Variants in HTR1E observed in about 807,000 individuals in gnomAD.
HTR1E encodes the protein 5-HT-1E.
HTR1E carries 3 observed loss-of-function variants against 3.4 expected under a neutral mutation model. The observed-to-expected ratio is 0.89, with a 90% CI of 0.41 to 2.31. HTR1E has a LOEUF of 2.31. HTR1E is among the 30% of genes most tolerant of loss of function. The pLI is 0.05. For missense variants in HTR1E, 392 were observed against 467.0 expected (o/e 0.84, Z 1.48); for synonymous variants, 170 against 182.8 (o/e 0.93, Z 0.56).
chr6:86,999,116 C>T (rs963701132), intron 1 of HTR1E, among the ~76,000 whole-genome samples: 1 of 152,048 alleles, frequency 6.6e-6, no homozygotes, highest in African/African-American at 2.4e-5. Context: ...CAGGCAACAA[C>T]GCCAGGCTAA....
intron 1 of HTR1E, among the ~76,000 whole-genome samples, chr6:86,957,369 A>G (rs115474210): frequency 6.6e-6 from 1 of 152,262 alleles, no homozygotes; most frequent in Non-Finnish European, 1.5e-5. Context: ...GCAATAAAAT[A>G]AGACATCTAT....
intron 1 of HTR1E, among the ~76,000 whole-genome samples, chr6:87,014,624 C>T (rs1176563811): frequency 1.3e-5 from 2 of 152,040 alleles, no homozygotes; most frequent in South Asian, 2.1e-4. Context: ...TACTATGCAG[C>T]CATAAAAAAG....
At chr6:86,945,714 G>T (rs553621979) in intron 1 of HTR1E, among the ~76,000 whole-genome samples, 2 of 151,976 alleles carry the variant, frequency 1.3e-5, no homozygotes, top group East Asian at 3.9e-4. Flanking sequence ...AAGTTTGGGG[G>T]TTTTTTGTTT....
intron 1 of HTR1E, among the ~76,000 whole-genome samples, chr6:87,011,919 G>A (rs762315256): frequency 9.2e-5 from 14 of 152,262 alleles, no homozygotes; most frequent in Middle Eastern, 3.4e-3. Flanking sequence ...TACCTTTCCC[G>A]CGCAAAATGG....
At chr6:87,014,949 A>G (rs1768295126) in intron 1 of HTR1E, among the ~76,000 whole-genome samples, 1 of 152,214 alleles carries the variant, frequency 6.6e-6, no homozygotes, top group Admixed American at 6.5e-5. Flanking sequence ...AACTTAAAGT[A>G]TAATTTAAAA....
At chr6:87,012,307 T>C (rs1237301636) in intron 1 of HTR1E, among the ~76,000 whole-genome samples, 1 of 152,120 alleles carries the variant, frequency 6.6e-6, no homozygotes, top group African/African-American at 2.4e-5. Context: ...AGCAATTAGG[T>C]TGACACATGT....
chr6:86,943,614 C>G lies in HTR1E; in HGVS notation c.-186+5791C>G, dbSNP rs548049399. ...TCAAACTGCACCTTGTGTTATACTA[C>G]TAGGGGGTAACACAGCATGGGGCTC... On this transcript the variant is annotated intron_variant, in intron 1 of 1. Transcript: ENST00000305344. Among the ~76,000 whole-genome samples, 177 of 152,166 alleles carry G rather than the reference C, an allele frequency of 1.2e-3. 1 individual carries two copies. Among genetic ancestry groups the G allele is most frequent in the Non-Finnish European group, 2.1e-3 (145 of 68,034 alleles).
At chr6:86,969,921 G>A (rs1431882559) in intron 1 of HTR1E, among the ~76,000 whole-genome samples, 13 of 152,192 alleles carry the variant, frequency 8.5e-5, no homozygotes, top group Non-Finnish European at 1.6e-4. Context: ...TTACAACAAC[G>A]GGGGTCTACA....
chr6:86,945,986 G>T (rs752515361), intron 1 of HTR1E, among the ~76,000 whole-genome samples: 2 of 152,146 alleles, frequency 1.3e-5, no homozygotes, highest in Non-Finnish European at 2.9e-5. Flanking sequence ...TGGTTTACCT[G>T]CCTCGGCCTC....
chr6:86,983,876 T>C (rs1431059509), intron 1 of HTR1E, among the ~76,000 whole-genome samples: 1 of 152,104 alleles, frequency 6.6e-6, no homozygotes, highest in Non-Finnish European at 1.5e-5. Context: ...AAATAACCAA[T>C]ATATAAAACT....
chr6:86,978,306 C>G (rs905832847), intron 1 of HTR1E, among the ~76,000 whole-genome samples: 3 of 152,150 alleles, frequency 2.0e-5, no homozygotes, highest in African/African-American at 7.2e-5. Context: ...CAGCACATGA[C>G]ACTGTTCTGG....
At chr6:87,007,049 T>A (rs1013293899) in intron 1 of HTR1E, among the ~76,000 whole-genome samples, 3 of 152,122 alleles carry the variant, frequency 2.0e-5, no homozygotes, top group Non-Finnish European at 4.4e-5. Flanking sequence ...GTAACAAACC[T>A]GCACATCCTG....
At chr6:86,996,955 T>C (rs562062046) in intron 1 of HTR1E, among the ~76,000 whole-genome samples, 1 of 152,004 alleles carries the variant, frequency 6.6e-6, no homozygotes, top group African/African-American at 2.4e-5. Context: ...AATATAGACA[T>C]TCAAGTCCTT....
chr6:86,971,193 G>A, intron 1 of HTR1E: 1 of 415,744 alleles, frequency 2.4e-6, no homozygotes, highest in Non-Finnish European at 4.6e-6. Context: ...AATGAACTAA[G>A]GTGTCTACCA....
At chr6:86,958,435 G>C (rs964884653) in intron 1 of HTR1E, among the ~76,000 whole-genome samples, 1 of 152,034 alleles carries the variant, frequency 6.6e-6, no homozygotes, top group East Asian at 1.9e-4. Flanking sequence ...CTTCCAGTCT[G>C]TTCCTGTTTC....
intron 1 of HTR1E, among the ~76,000 whole-genome samples, chr6:86,973,087 G>A (rs1414630805): frequency 6.6e-6 from 1 of 152,114 alleles, no homozygotes; most frequent in Admixed American, 6.6e-5. Flanking sequence ...CTCTAGCAAG[G>A]TTGGATACCT....
At chr6:86,987,004 A>C (rs565446131) in intron 1 of HTR1E, among the ~76,000 whole-genome samples, 1 of 152,328 alleles carries the variant, frequency 6.6e-6, no homozygotes, top group South Asian at 2.1e-4. Context: ...AAATATGTTT[A>C]TACAAAGGGA....
chr6:87,006,189 A>G (rs1456068667), intron 1 of HTR1E, among the ~76,000 whole-genome samples: 1 of 152,204 alleles, frequency 6.6e-6, no homozygotes, highest in East Asian at 1.9e-4. Flanking sequence ...CAGAAAACTG[A>G]AAATAGAACT....
At chr6:86,962,920 C>G (rs896262803) in intron 1 of HTR1E, among the ~76,000 whole-genome samples, 2 of 152,230 alleles carry the variant, frequency 1.3e-5, no homozygotes, top group Non-Finnish European at 2.9e-5. Flanking sequence ...ATCTCTGTTA[C>G]TGGTTTATGT....
Sources: gnomAD v4.1 joint callset for allele counts (sites outside exome capture counted in the v4.1 genomes callset) on GRCh38, gnomAD v4.1.1 for gene constraint, MANE v1.5 for transcripts, NCBI Gene and HGNC (gene_info 2026-07-23, HGNC 2026-07-21) for gene names.